The following WDR59 variants were observed in gnomAD, a reference collection of about 807,000 sequenced individuals.
WDR59 encodes GATOR2 complex protein WDR59.
Under a neutral mutation model 131.2 loss-of-function variants are expected in WDR59, and 100 were observed. That is an observed-to-expected ratio of 0.76 (90% CI 0.65 to 0.90). The LOEUF is 0.90. Among genes scored for constraint, WDR59 ranks in the 40% least tolerant of loss-of-function variants. The pLI, the probability that WDR59 is intolerant of heterozygous loss-of-function variation, is 0.00. For synonymous variants in WDR59, 601 were observed against 466.2 expected, an observed-to-expected ratio of 1.29 and a Z score of -3.72; for missense variants, 1,203 against 1,262.2, an observed-to-expected ratio of 0.95 and a Z score of 0.71.
chr16:74,879,215 G>A (rs905203587), intron 25 of WDR59, among the ~76,000 whole-genome samples: 2 of 152,100 alleles, frequency 1.3e-5, no homozygotes, highest in Non-Finnish European at 1.5e-5. Context: ...AAAATTAGCC[G>A]GGCATGATGG....
intron 18 of WDR59, among the ~76,000 whole-genome samples, chr16:74,897,389 G>C (rs1965348778): frequency 6.6e-6 from 1 of 152,186 alleles, no homozygotes; most frequent in Non-Finnish European, 1.5e-5. Context: ...ATGTCTTAGG[G>C]ACTCTTCCCC....
At chr16:74,984,904 T>A (rs1397485332) in intron 1 of WDR59, 60 bp downstream of exon 1, 1 of 1,577,458 alleles carries the variant, frequency 6.3e-7, no homozygotes, top group Non-Finnish European at 8.6e-7. Context: ...AGCAGCCGCG[T>A]GGGGGAGGGG....
At chr16:74,894,453 T>G (rs997470040) in intron 18 of WDR59, among the ~76,000 whole-genome samples, 1 of 152,206 alleles carries the variant, frequency 6.6e-6, no homozygotes, top group African/African-American at 2.4e-5. Context: ...TCCCCAGGCT[T>G]ACCTATGGGT....
chr16:74,895,252 C>T (rs989392165), intron 18 of WDR59, among the ~76,000 whole-genome samples: 5 of 151,936 alleles, frequency 3.3e-5, no homozygotes, highest in Admixed American at 1.3e-4. Context: ...AACTTTAACC[C>T]GTTTGATCTT....
Position 74,874,159 on chromosome 16 carries a change from G to T in WDR59, c.*50C>A. ...CTCCCCTGACAGACAGCTTGTCACC[G>T]GCACTTATGGGTCCTCTGGGATTTC... On this transcript the variant is annotated 3_prime_UTR_variant, in exon 26 of 26. Transcript: ENST00000262144. The T allele has an allele frequency of 6.7e-7, 1 of 1,488,164 alleles. No homozygotes were observed. The highest frequency in any genetic ancestry group is 1.2e-5 in the South Asian group (1 of 81,280). The allele number at this position is 1,488,164 out of a possible 1,614,324, so 92.2% of individuals were successfully genotyped here. A position where few individuals can be genotyped will look rare whatever the true frequency, so the allele number is the denominator to read the frequency against.
intron 6 of WDR59, among the ~76,000 whole-genome samples, chr16:74,943,472 CAG>C (rs1490549323): frequency 6.6e-6 from 1 of 152,172 alleles, no homozygotes; most frequent in African/African-American, 2.4e-5. Context: ...TCTGCCAATA[CAG>C]AGTGTCATTG....
intron 7 of WDR59, 44 bp downstream of exon 7, chr16:74,942,694 G>A: frequency 6.3e-7 from 1 of 1,581,294 alleles, no homozygotes; most frequent in Non-Finnish European, 8.7e-7. Context: ...ACACCCTCTG[G>A]GAGGGATCAA....
rs1197687194 is a variant in WDR59 at position 74,892,562 on chromosome 16, C to G, written c.2004G>C (p.Leu668Phe). 6.2e-7 allele frequency: 1 copy of G among 1,612,066 alleles called. No homozygotes were observed. Among genetic ancestry groups the G allele is most frequent in the South Asian group, 1.1e-5 (1 of 90,886 alleles). ...VHKSLGELYI[L>F]NVNDIQETCQ... ...ATGTTTCCTGAATATCATTCACATT[C>G]AATCTGAAATTTTTTAAAAAGAATT... The change falls in exon 20 of 26, where the codon TTG becomes TTC. Residue 668 changes from leucine (L) to phenylalanine (F), a missense_variant. Transcript: ENST00000262144.
At chr16:74,880,013 C>A (rs901482034) in intron 25 of WDR59, among the ~76,000 whole-genome samples, 1 of 152,026 alleles carries the variant, frequency 6.6e-6, no homozygotes, top group African/African-American at 2.4e-5. Context: ...AAGTGAGACT[C>A]TGTTTCTATT....
At chr16:74,920,817 A>G (rs1382057399) in intron 10 of WDR59, among the ~76,000 whole-genome samples, 1 of 152,228 alleles carries the variant, frequency 6.6e-6, no homozygotes, top group East Asian at 1.9e-4. Context: ...GTTCAGAAAC[A>G]GGCAAACCTA....
chr16:74,899,654 G>A, intron 18 of WDR59: 1 of 1,280,062 alleles, frequency 7.8e-7, no homozygotes, highest in Non-Finnish European at 1.0e-6. Flanking sequence ...GCCTCGGGTA[G>A]AGACAGGATT....
chr16:74,971,063 A>C, intron 1 of WDR59, among the ~76,000 whole-genome samples: 1 of 152,010 alleles, frequency 6.6e-6, no homozygotes, highest in East Asian at 1.9e-4. Flanking sequence ...AAAAGCCAAA[A>C]AAAAGATGGT....
chr16:74,922,249 C>T, intron 9 of WDR59, 146 bp from the exon 10 acceptor site: 1 of 987,158 alleles, frequency 1.0e-6, no homozygotes, highest in Non-Finnish European at 1.5e-6. Context: ...TTTTCCCAAA[C>T]ACCATAGGCT....
intron 3 of WDR59, 97 bp from the exon 4 acceptor site, chr16:74,951,640 A>C: frequency 2.4e-5 from 24 of 1,009,984 alleles, no homozygotes; most frequent in Non-Finnish European, 3.6e-5. Context: ...CAGGGATCTC[A>C]TGCATGGCAA....
At chr16:74,958,894 A>C (rs1275365160) in intron 2 of WDR59, among the ~76,000 whole-genome samples, 6 of 151,774 alleles carry the variant, frequency 4.0e-5, no homozygotes, top group Non-Finnish European at 5.9e-5. Context: ...GAAACCCCTG[A>C]CTAATAAAAA....
In WDR59 at chr16:74,920,432, C is replaced by T. The variant is rs150191334; in HGVS notation, c.886+1515G>A. 8.0e-3 allele frequency among the ~76,000 whole-genome samples: 1,215 copies of T among 152,106 alleles called. 16 individuals carry two copies. The highest frequency in any genetic ancestry group is 0.049 in the South Asian group (236 of 4,804). ...TATATTTTTTCTTTTGAGACTGTCT[C>T]GATCTGTCTCCAGGCTGGAGTGCAG... is the stretch of plus-strand genomic sequence containing the variant. On this transcript the variant is annotated intron_variant, in intron 10 of 25. Coordinates refer to ENST00000262144, the MANE Select transcript of WDR59 (RefSeq NM_030581.4).
chr16:74,894,182 GC>G (rs1309335072), intron 18 of WDR59, among the ~76,000 whole-genome samples: 1 of 152,190 alleles, frequency 6.6e-6, no homozygotes, highest in Non-Finnish European at 1.5e-5. Context: ...CAAAATTCCT[GC>G]CTGAAACTCA....
intron 18 of WDR59, among the ~76,000 whole-genome samples, chr16:74,896,329 C>G (rs1252615186): frequency 6.6e-6 from 1 of 152,128 alleles, no homozygotes; most frequent in Admixed American, 6.6e-5. Context: ...GCTTACAGAA[C>G]ACACTGAAAA....
intron 3 of WDR59, 44 bp downstream of exon 3, chr16:74,956,431 G>T: frequency 6.3e-7 from 1 of 1,598,998 alleles, no homozygotes; most frequent in South Asian, 1.1e-5. Context: ...AGCCCCAGAT[G>T]ACACATTTAA....
Sources: gnomAD v4.1 joint callset for allele counts (sites outside exome capture counted in the v4.1 genomes callset) on GRCh38, gnomAD v4.1.1 for gene constraint, MANE v1.5 for transcripts, NCBI Gene and HGNC (gene_info 2026-07-23, HGNC 2026-07-21) for gene names.